Variants in SAMD12 observed in about 807,000 individuals in gnomAD.
The protein encoded by SAMD12 is sterile alpha motif domain containing 12, also known as sterile alpha motif domain-containing protein 12.
Under a neutral mutation model 15.0 loss-of-function variants are expected in SAMD12, and 9 were observed. The ratio of observed to expected loss-of-function variants is 0.60; its 90% confidence interval spans 0.36 to 1.05. SAMD12 has a LOEUF of 1.05. SAMD12 is among the 50% of genes least tolerant of loss of function. The probability of loss-of-function intolerance (pLI) is 0.01; values close to 1 mark genes in which losing one functional copy is unlikely to be tolerated. For synonymous variants in SAMD12, 86 were observed against 90.1 expected (o/e 0.96, Z 0.25); for missense variants, 230 against 234.2 (o/e 0.98, Z 0.12).
intron 2 of SAMD12, among the ~76,000 whole-genome samples, chr8:118,447,677 ATTTTATTT>A (rs898400145): frequency 4.7e-5 from 7 of 148,324 alleles, no homozygotes; most frequent in Non-Finnish European, 8.9e-5. Context: ...GTCATCTTTC[ATTTTATTT>A]TTTTATTTTT....
chr8:118,207,712 A>T (rs1254298205), intron 4 of SAMD12, among the ~76,000 whole-genome samples: 4 of 151,982 alleles, frequency 2.6e-5, no homozygotes, highest in Admixed American at 1.3e-4. Context: ...CTTTTTTTAA[A>T]TTATCTTTTC....
rs562631138 is a variant in SAMD12, at chr8:118,542,907, T to C, written c.192+37808A>G. 7.9e-5 allele frequency among the ~76,000 whole-genome samples: 12 copies of C among 152,114 alleles called. No homozygotes were observed. In the South Asian group the frequency reaches 2.3e-3, roughly 29 times the overall value. Reference sequence around the variant, plus strand: ...AGGTTGTCCCTAGCCTACAGCTAAATTCCCAAGCATCTTTGCACTACAGTA... The same window carrying C: ...AGGTTGTCCCTAGCCTACAGCTAAACTCCCAAGCATCTTTGCACTACAGTA... On this transcript the variant is annotated intron_variant, in intron 2 of 3. Transcript: ENST00000314727.
intron 2 of SAMD12, among the ~76,000 whole-genome samples, chr8:118,468,291 A>T (rs1823655446): frequency 6.6e-6 from 1 of 151,996 alleles, no homozygotes; most frequent in South Asian, 2.1e-4. Flanking sequence ...TGAACTAGCA[A>T]GGAGAGATGG....
At chr8:118,381,620 G>A (rs1159448636) in intron 3 of SAMD12, among the ~76,000 whole-genome samples, 1 of 152,162 alleles carries the variant, frequency 6.6e-6, no homozygotes, top group Non-Finnish European at 1.5e-5. Context: ...GGATGCAGAG[G>A]TCAAAGTGAA....
chr8:118,397,080 A>T (rs1156376855), intron 3 of SAMD12, among the ~76,000 whole-genome samples: 2 of 152,208 alleles, frequency 1.3e-5, no homozygotes, highest in Non-Finnish European at 2.9e-5. Context: ...AATAAATCCA[A>T]ACTGCCCACA....
chr8:118,347,005 G>A (rs1481886112), intron 4 of SAMD12, among the ~76,000 whole-genome samples: 3 of 152,162 alleles, frequency 2.0e-5, no homozygotes, highest in Non-Finnish European at 2.9e-5. Flanking sequence ...CCGGACTCAT[G>A]GGATTCCTCC....
chr8:118,432,649 A>C (rs1013317855), intron 3 of SAMD12, among the ~76,000 whole-genome samples: 1 of 152,248 alleles, frequency 6.6e-6, no homozygotes, highest in Admixed American at 6.5e-5. Context: ...CTCAACCCAG[A>C]TGAAGAGAAC....
At chr8:118,603,961 A>C (rs1827927828) in intron 1 of SAMD12, among the ~76,000 whole-genome samples, 1 of 152,228 alleles carries the variant, frequency 6.6e-6, no homozygotes, top group South Asian at 2.1e-4. Flanking sequence ...ACAATGACTA[A>C]TTTTTAAAAT....
chr8:118,535,229 C>G (rs932203247), intron 2 of SAMD12, among the ~76,000 whole-genome samples: 8 of 152,208 alleles, frequency 5.3e-5, no homozygotes, highest in African/African-American at 1.9e-4. Context: ...ACCCTGTTTG[C>G]CTGGGTATCA....
intron 1 of SAMD12, among the ~76,000 whole-genome samples, chr8:118,609,803 C>A (rs975800738): frequency 2.0e-5 from 3 of 152,152 alleles, no homozygotes; most frequent in Admixed American, 6.5e-5. Context: ...ATAGTAACCT[C>A]TCCAGGGAAG....
At chr8:118,134,044 A>C in the SAMD12 span, among the ~76,000 whole-genome samples, 5 of 152,176 alleles carry the variant, frequency 3.3e-5, no homozygotes. Flanking sequence ...TGTCCCTTGG[A>C]ATATAATTGG....
At chr8:118,514,737 C>A (rs1340111255) in intron 2 of SAMD12, among the ~76,000 whole-genome samples, 1 of 152,102 alleles carries the variant, frequency 6.6e-6, no homozygotes, top group Non-Finnish European at 1.5e-5. Context: ...AAGATTAAGA[C>A]CAGCTTGTGA....
chr8:118,619,092 G>C (rs188370910), intron 1 of SAMD12, among the ~76,000 whole-genome samples: 7 of 152,172 alleles, frequency 4.6e-5, no homozygotes, highest in Admixed American at 6.5e-5. Context: ...TATTATCTGT[G>C]GCCATGGGCA....
intron 4 of SAMD12, among the ~76,000 whole-genome samples, chr8:118,246,495 AG>A (rs1812701454): frequency 6.6e-6 from 1 of 152,188 alleles, no homozygotes; most frequent in African/African-American, 2.4e-5. Context: ...AGGGAAACAC[AG>A]GAAAATGAAA....
chr8:118,155,800 A>C, the SAMD12 span, among the ~76,000 whole-genome samples: 2 of 152,222 alleles, frequency 1.3e-5, no homozygotes, highest in African/African-American at 4.8e-5. Flanking sequence ...TATGTGTCCA[A>C]ATTAGCAGTA....
chr8:118,243,431 A>C (rs192116548), intron 4 of SAMD12, among the ~76,000 whole-genome samples: 1 of 151,802 alleles, frequency 6.6e-6, no homozygotes, highest in Non-Finnish European at 1.5e-5. Flanking sequence ...TGAGATGCAA[A>C]AAGATAACCT....
At chr8:118,490,583 A>C (rs370937209) in intron 2 of SAMD12, among the ~76,000 whole-genome samples, 13 of 152,316 alleles carry the variant, frequency 8.5e-5, no homozygotes, top group African/African-American at 3.1e-4. Context: ...ATCCAAAGGT[A>C]ATTTTCTCTT....
At chr8:118,237,140 C>T (rs1812455169) in intron 4 of SAMD12, among the ~76,000 whole-genome samples, 1 of 152,150 alleles carries the variant, frequency 6.6e-6, no homozygotes, top group Admixed American at 6.5e-5. Flanking sequence ...GCAACAATCT[C>T]ACTGTAAATG....
the SAMD12 span, among the ~76,000 whole-genome samples, chr8:118,169,616 A>G: frequency 6.6e-6 from 1 of 152,212 alleles, no homozygotes; most frequent in South Asian, 2.1e-4. Flanking sequence ...AGCTGCACCA[A>G]TGTTATGTGC....
Sources: gnomAD v4.1 joint callset for allele counts (sites outside exome capture counted in the v4.1 genomes callset) on GRCh38, gnomAD v4.1.1 for gene constraint, MANE v1.5 for transcripts, NCBI Gene and HGNC (gene_info 2026-07-23, HGNC 2026-07-21) for gene names.